DACH1: variants seen among roughly 807,000 people sequenced by gnomAD.
The protein encoded by DACH1 is dachshund family transcription factor 1.
In DACH1, 12 loss-of-function variants were observed where a neutral mutation model predicts 54.2. The ratio of observed to expected loss-of-function variants is 0.22; its 90% CI spans 0.14 to 0.36. DACH1 has a LOEUF of 0.36. Ranked by LOEUF, DACH1 falls within the 10% of genes least tolerant of loss-of-function variation. The pLI, the probability that DACH1 is intolerant of heterozygous loss-of-function variation, is 1.00. For synonymous variants in DACH1, 386 were observed against 366.2 expected (o/e 1.05, Z -0.62); for missense variants, 805 against 929.8 (o/e 0.87, Z 1.75).
intron 10 of DACH1, among the ~76,000 whole-genome samples, chr13:71,465,866 T>G (rs1218645909): frequency 6.6e-6 from 1 of 152,156 alleles, no homozygotes; most frequent in Admixed American, 6.6e-5. Flanking sequence ...CAGCTGATTT[T>G]TCTACCTCTT....
intron 6 of DACH1, among the ~76,000 whole-genome samples, chr13:71,556,486 G>A (rs1451194627): frequency 6.6e-6 from 1 of 152,010 alleles, no homozygotes; most frequent in Non-Finnish European, 1.5e-5. Flanking sequence ...ATTTTTGCCT[G>A]TGAAAAATGG....
intron 2 of DACH1, among the ~76,000 whole-genome samples, chr13:71,648,196 A>G (rs1878428828): frequency 1.3e-5 from 2 of 152,202 alleles, no homozygotes; most frequent in South Asian, 2.1e-4. Flanking sequence ...TAAAATGTGG[A>G]CACCAAAAAA....
At chr13:71,623,903 T>C (rs1252862446) in intron 3 of DACH1, among the ~76,000 whole-genome samples, 1 of 151,858 alleles carries the variant, frequency 6.6e-6, no homozygotes. Flanking sequence ...TTTTACACAA[T>C]GATGTTTTGA....
chr13:71,444,665 CA>C (rs1031692809), intron 10 of DACH1, among the ~76,000 whole-genome samples: 1 of 151,870 alleles, frequency 6.6e-6, no homozygotes, highest in Non-Finnish European at 1.5e-5. Flanking sequence ...AGAAAGAATC[CA>C]GGAGCAAAAA....
At chr13:71,461,902 T>C (rs1206442056) in intron 10 of DACH1, among the ~76,000 whole-genome samples, 2 of 152,018 alleles carry the variant, frequency 1.3e-5, no homozygotes, top group African/African-American at 4.8e-5. Flanking sequence ...TAGTTCTTAA[T>C]TCTGTTAAGA....
intron 1 of DACH1, among the ~76,000 whole-genome samples, chr13:71,843,379 C>T (rs1444626896): frequency 6.6e-6 from 1 of 152,112 alleles, no homozygotes; most frequent in Admixed American, 6.6e-5. Context: ...ATCCTCTCCC[C>T]TCAGCCTCTC....
At chr13:71,518,625 A>G (rs1881337937) in intron 6 of DACH1, among the ~76,000 whole-genome samples, 1 of 151,820 alleles carries the variant, frequency 6.6e-6, no homozygotes, top group East Asian at 1.9e-4. Context: ...AGTTACTAAC[A>G]CTCTGTCTTA....
chr13:71,745,500 TG>T lies in DACH1; in HGVS notation c.849-63591del, dbSNP rs758171146. On this transcript the variant is annotated intron_variant, in intron 1 of 10. Transcript: ENST00000613252. ...ATTCTAATGGATGTCTAAATTGCAATGGCATGGCACAGAAGGCTAGATGAAA... is the reference window on the plus strand; with the variant it reads ...ATTCTAATGGATGTCTAAATTGCAATGCATGGCACAGAAGGCTAGATGAAA... 7.2e-5 allele frequency among the ~76,000 whole-genome samples: 11 copies of T among 152,322 alleles called. No homozygotes were observed. In the Middle Eastern group the frequency reaches 0.01, roughly 141 times the overall value.
At chr13:71,643,596 AGG>A (rs1366784602) in intron 2 of DACH1, among the ~76,000 whole-genome samples, 12 of 152,352 alleles carry the variant, frequency 7.9e-5, no homozygotes, top group Non-Finnish European at 5.9e-5. Context: ...ACTCTACAGA[AGG>A]TCAAAGGTTT....
intron 1 of DACH1, among the ~76,000 whole-genome samples, chr13:71,839,902 T>G (rs1453940349): frequency 2.0e-5 from 3 of 152,150 alleles, no homozygotes; most frequent in Non-Finnish European, 2.9e-5. Flanking sequence ...TTACTTTTTC[T>G]TTTATGTTTT....
intron 7 of DACH1, among the ~76,000 whole-genome samples, chr13:71,483,463 A>G (rs1425754204): frequency 1.4e-5 from 2 of 146,818 alleles, no homozygotes; most frequent in Admixed American, 1.4e-4. Context: ...TAAATAACAA[A>G]TAATACCTTA....
chr13:71,772,358 A>G (rs1885892997), intron 1 of DACH1, among the ~76,000 whole-genome samples: 1 of 151,706 alleles, frequency 6.6e-6, no homozygotes, highest in Non-Finnish European at 1.5e-5. Context: ...ACCTCTGTAG[A>G]TCAATGTGCT....
intron 1 of DACH1, among the ~76,000 whole-genome samples, chr13:71,687,051 C>A (rs913233158): frequency 1.3e-5 from 2 of 152,156 alleles, no homozygotes; most frequent in African/African-American, 2.4e-5. Context: ...CACAAACAAG[C>A]ATTTACGAGT....
chr13:71,452,014 A>C (rs1204307599), intron 10 of DACH1, among the ~76,000 whole-genome samples: 3 of 152,342 alleles, frequency 2.0e-5, no homozygotes, highest in Admixed American at 6.5e-5. Context: ...AAAATGCTAA[A>C]ACACATGGAG....
chr13:71,781,842 C>T (rs1886397179), intron 1 of DACH1, among the ~76,000 whole-genome samples: 1 of 152,148 alleles, frequency 6.6e-6, no homozygotes, highest in South Asian at 2.1e-4. Flanking sequence ...TTCAGTATAA[C>T]ATTTCCTTAT....
chr13:71,689,605 A>G (rs914799089), intron 1 of DACH1, among the ~76,000 whole-genome samples: 2 of 152,190 alleles, frequency 1.3e-5, no homozygotes, highest in Non-Finnish European at 2.9e-5. Flanking sequence ...TACAACCAAA[A>G]TAGTACAAGA....
intron 6 of DACH1, among the ~76,000 whole-genome samples, chr13:71,501,381 G>A (rs916393394): frequency 1.3e-5 from 2 of 152,106 alleles, no homozygotes; most frequent in Non-Finnish European, 2.9e-5. Flanking sequence ...GAGATTTTAG[G>A]AGTGATAAAG....
At chr13:71,732,596 A>AG (rs1166185984) in intron 1 of DACH1, among the ~76,000 whole-genome samples, 1 of 151,796 alleles carries the variant, frequency 6.6e-6, no homozygotes, top group East Asian at 1.9e-4. Context: ...AAAAAAAAAA[A>AG]AAAAAAAGTC....
chr13:71,732,071 C>A (rs73215232), intron 1 of DACH1, among the ~76,000 whole-genome samples: 1 of 152,144 alleles, frequency 6.6e-6, no homozygotes, highest in East Asian at 1.9e-4. Flanking sequence ...TTTGATCTAT[C>A]ATTCCAGCCT....
Sources: gnomAD v4.1 joint callset for allele counts (sites outside exome capture counted in the v4.1 genomes callset) on GRCh38, gnomAD v4.1.1 for gene constraint, MANE v1.5 for transcripts, NCBI Gene and HGNC (gene_info 2026-07-23, HGNC 2026-07-21) for gene names.